The following KAT2B variants were observed in gnomAD, a reference collection of about 807,000 sequenced individuals.
The protein encoded by KAT2B is lysine acetyltransferase 2B, also known as histone acetyltransferase KAT2B.
KAT2B carries 36 observed loss-of-function variants against 105.9 expected under a neutral mutation model. That is an observed-to-expected ratio of 0.34 (90% confidence interval 0.26 to 0.45). The LOEUF is 0.45. KAT2B is among the 20% of genes least tolerant of loss of function. The pLI, the probability that KAT2B is intolerant of heterozygous loss-of-function variation, is 1.00. For synonymous variants in KAT2B, 397 were observed against 377.9 expected (o/e 1.05, Z -0.59); for missense variants, 820 against 1,021.6 (o/e 0.80, Z 2.69).
At position 20,101,590 on chromosome 3, in the gene KAT2B, A is replaced by G. The variant is rs903120360; in HGVS notation, c.851+122A>G. On this transcript the variant is annotated intron_variant, in intron 5 of 17. Transcript: ENST00000263754. Reference sequence around the variant, plus strand: ...ATTATGACTCCATCAATTCAGAGATAATGTCTTTATAATTTAACTTGCAAA... The same window carrying G: ...ATTATGACTCCATCAATTCAGAGATGATGTCTTTATAATTTAACTTGCAAA... The G allele has an allele frequency of 1.8e-5, 13 of 723,814 alleles. 1 individual carries two copies. Among genetic ancestry groups the G allele is most frequent in the East Asian group, 7.8e-5 (3 of 38,476 alleles). 44.8% of individuals were successfully genotyped at this position (723,814 alleles called of 1,614,324 possible). A position where few individuals can be genotyped will look rare whatever the true frequency, so the allele number is the denominator to read the frequency against.
chr3:20,040,809 A>C (rs1356947380), intron 1 of KAT2B, 29 bp downstream of exon 1: 1 of 1,571,576 alleles, frequency 6.4e-7, no homozygotes, highest in African/African-American at 1.4e-5. Context: ...CGGACCGCGG[A>C]TGGGTGCTAG....
At chr3:20,102,312 A>AAATTTTT (rs1698924924) in intron 5 of KAT2B, among the ~76,000 whole-genome samples, 1 of 152,162 alleles carries the variant, frequency 6.6e-6, no homozygotes, top group South Asian at 2.1e-4. Flanking sequence ...CTCAAAAAAA[A>AAATTTTT]AATTTTTTTT....
In KAT2B at chr3:20,140,380, A is replaced by G. The variant is rs751542534; in HGVS notation, c.2004+16A>G. The G allele has an allele frequency of 1.2e-6, 2 of 1,612,484 alleles. No homozygotes were observed. The highest frequency in any genetic ancestry group is 2.7e-5 in the African/African-American group (2 of 74,794). ...GCAGAAGGAGGTAAGCAGGTGGTTG[A>G]CTCCCTTACCTTCTGTACAGGCCAG... On this transcript the variant is annotated intron_variant, in intron 13 of 17. Transcript: ENST00000263754.
chr3:20,143,221 T>A (rs1288306967), intron 13 of KAT2B, among the ~76,000 whole-genome samples: 1 of 152,122 alleles, frequency 6.6e-6, no homozygotes, highest in African/African-American at 2.4e-5. Context: ...AGGCATTGAT[T>A]TTATCGTCAT....
intron 5 of KAT2B, among the ~76,000 whole-genome samples, chr3:20,104,098 G>A (rs546184627): frequency 6.6e-6 from 1 of 152,302 alleles, no homozygotes; most frequent in African/African-American, 2.4e-5. Flanking sequence ...AATTGAGTGA[G>A]TGTGTAATTA....
At position 20,121,732 on chromosome 3, in the gene KAT2B, ATGTGTGTGTGTGTGTGTG is replaced by A. The variant is rs3840188; in HGVS notation, c.1277-902_1277-885del. ...TATATGCATACATACACATATGCAT[ATGTGTGTGTGTGTGTGTG>A]TGTGTGTGTGTGTGTGTGTGTGTGT... is the stretch of plus-strand genomic sequence containing the variant. On this transcript the variant is annotated intron_variant, in intron 8 of 17. Transcript: ENST00000263754. Among the ~76,000 whole-genome samples, 393 of 109,816 alleles carry A rather than the reference ATGTGTGTGTGTGTGTGTG, an allele frequency of 3.6e-3. 2 individuals are homozygous for A. The highest frequency in any genetic ancestry group is 8.2e-3 in the African/African-American group (239 of 29,030). The allele number at this position is 109,816 out of a possible 152,430, so 72.0% of individuals were successfully genotyped here. A position where few individuals can be genotyped will look rare whatever the true frequency, so the allele number is the denominator to read the frequency against.
chr3:20,054,139 T>G (rs976583010), intron 1 of KAT2B, among the ~76,000 whole-genome samples: 16 of 150,430 alleles, frequency 1.1e-4, no homozygotes, highest in African/African-American at 3.7e-4. Flanking sequence ...GTTTTTTTGT[T>G]TTTTTTTTGA....
rs1460095005 is a variant in KAT2B, at chr3:20,148,426, C to T, written c.2244C>T (p.Phe748=). The change falls in exon 17 of 18, where the codon TTC becomes TTT. Residue 748 remains phenylalanine (F), a synonymous_variant. Coordinates refer to ENST00000263754, the MANE Select transcript of KAT2B (RefSeq NM_003884.5). Reference sequence around the variant, plus strand: ...AGAGCCATCAAAGCGCTTGGCCCTTCATGGAACCTGTGAAGAGAACAGAAG... The same window carrying T: ...AGAGCCATCAAAGCGCTTGGCCCTTTATGGAACCTGTGAAGAGAACAGAAG... The part of the protein sequence containing the change: ...QVKSHQSAWP[F]MEPVKRTEAP... 7.4e-6 allele frequency: 12 copies of T among 1,611,306 alleles called. No individual in the cohort carries two copies. The highest frequency in any genetic ancestry group is 1.0e-5 in the Non-Finnish European group (12 of 1,179,254).
At chr3:20,104,063 T>G (rs1698956731) in intron 5 of KAT2B, among the ~76,000 whole-genome samples, 1 of 152,230 alleles carries the variant, frequency 6.6e-6, no homozygotes, top group Non-Finnish European at 1.5e-5. Context: ...ATGTGGAGCT[T>G]ATTAAGCTAA....
At chr3:20,123,119 T>A (rs1699339660) in intron 9 of KAT2B, 1 of 208,936 alleles carries the variant, frequency 4.8e-6, no homozygotes, top group African/African-American at 2.4e-5. Context: ...CATAGACTCT[T>A]TACTGAGATT....
At chr3:20,102,373 T>G (rs1168686140) in intron 5 of KAT2B, among the ~76,000 whole-genome samples, 1 of 152,210 alleles carries the variant, frequency 6.6e-6, no homozygotes, top group Non-Finnish European at 1.5e-5. Flanking sequence ...GACATCATTA[T>G]ACATATTATC....
At chr3:20,075,123 G>A (rs1340448077) in intron 2 of KAT2B, among the ~76,000 whole-genome samples, 3 of 152,028 alleles carry the variant, frequency 2.0e-5, no homozygotes, top group Non-Finnish European at 4.4e-5. Context: ...AATTAGCTGG[G>A]CATGGTGGCA....
chr3:20,115,034 C>T (rs769510529), intron 7 of KAT2B, 46 bp downstream of exon 7: 2 of 1,192,968 alleles, frequency 1.7e-6, no homozygotes, highest in Admixed American at 3.4e-5. Context: ...GGGAGGCCAA[C>T]CTGAAGTGTA....
At chr3:20,142,907 G>C (rs953498780) in intron 13 of KAT2B, among the ~76,000 whole-genome samples, 4 of 151,320 alleles carry the variant, frequency 2.6e-5, no homozygotes, top group Non-Finnish European at 4.4e-5. Context: ...GTGTGTGTAC[G>C]TACATATACC....
intron 1 of KAT2B, among the ~76,000 whole-genome samples, chr3:20,053,431 A>C (rs1697949359): frequency 6.6e-6 from 1 of 152,202 alleles, no homozygotes; most frequent in African/African-American, 2.4e-5. Flanking sequence ...GCTACTCAGG[A>C]GGCTGAAGCA....
At chr3:20,114,471 T>C (rs895034712) in intron 6 of KAT2B, among the ~76,000 whole-genome samples, 2 of 152,198 alleles carry the variant, frequency 1.3e-5, no homozygotes, top group Non-Finnish European at 2.9e-5. Flanking sequence ...GATGTGAGGA[T>C]TCAGTAAGAA....
Position 20,147,966 on chromosome 3 carries a change from A to G in KAT2B, c.2123A>G (p.Glu708Gly), listed in dbSNP as rs1459264178. The change falls in exon 15 of 18, where the codon GAG becomes GGG. Residue 708 changes from glutamate (E) to glycine (G), a missense_variant. This residue lies in a region of KAT2B where 227 missense variants were observed against 292.9 expected (regional missense o/e 0.77). Transcript: ENST00000263754. ...IPIESIPGIRETGWKPSGKEK... is the reference protein window; with the variant it reads ...IPIESIPGIRGTGWKPSGKEK... ...GTTTCACTTTGTTGACGTATAGGAG[A>G]GACAGGCTGGAAACCGAGTGGAAAA... The G allele has an allele frequency of 1.2e-6, 2 of 1,613,680 alleles. No individual in the cohort carries two copies. Among genetic ancestry groups the G allele is most frequent in the Non-Finnish European group, 1.7e-6 (2 of 1,179,736 alleles).
chr3:20,106,166 A>T (rs1041772069), intron 5 of KAT2B, among the ~76,000 whole-genome samples: 2 of 152,258 alleles, frequency 1.3e-5, no homozygotes, highest in African/African-American at 4.8e-5. Context: ...TGTTCACAGA[A>T]GTTACAAATC....
At chr3:20,110,057 G>T (rs2125164851) in intron 5 of KAT2B, among the ~76,000 whole-genome samples, 1 of 152,212 alleles carries the variant, frequency 6.6e-6, no homozygotes, top group South Asian at 2.1e-4. Context: ...TCAGGAGCAT[G>T]AATAAATTAA....
Sources: allele counts gnomAD v4.1 joint callset (sites outside exome capture counted in the v4.1 genomes callset), GRCh38; gene constraint gnomAD v4.1.1; regional missense constraint gnomAD v4.1.1; transcripts MANE v1.5; gene names NCBI Gene and HGNC (gene_info 2026-07-23, HGNC 2026-07-21).